Variants in CCDC57 observed in about 807,000 individuals in gnomAD.
CCDC57 encodes the protein coiled-coil domain containing 57.
A neutral mutation model predicts 118.9 loss-of-function variants in CCDC57; 118 were observed. That is an observed-to-expected ratio of 0.99 (90% CI 0.86 to 1.16). The LOEUF (loss-of-function observed/expected upper bound fraction) is 1.16. Ranked by LOEUF, CCDC57 falls within the 50% of genes most tolerant of loss-of-function variation. The pLI is 0.00. For synonymous variants in CCDC57, 527 were observed against 532.9 expected (o/e 0.99, Z 0.15); for missense variants, 1,300 against 1,320.7 (o/e 0.98, Z 0.24).
intron 8 of CCDC57, among the ~76,000 whole-genome samples, chr17:82,186,498 G>T (rs2046940557): frequency 6.6e-6 from 1 of 152,148 alleles, no homozygotes; most frequent in Non-Finnish European, 1.5e-5. Flanking sequence ...TGCCTCCCAT[G>T]CATGGCGTCT....
At chr17:82,144,410 C>T (rs1031499050) in intron 16 of CCDC57, among the ~76,000 whole-genome samples, 2 of 152,210 alleles carry the variant, frequency 1.3e-5, no homozygotes, top group African/African-American at 4.8e-5. Flanking sequence ...AGCATGTACT[C>T]CCCACAGACT....
At chr17:82,146,379 A>G (rs1170064405) in intron 16 of CCDC57, among the ~76,000 whole-genome samples, 2 of 151,958 alleles carry the variant, frequency 1.3e-5, no homozygotes, top group Admixed American at 6.6e-5. Flanking sequence ...TATTTTTTTA[A>G]ATGTTTTTAG....
At chr17:82,194,321 T>TTTC in intron 5 of CCDC57, 182 bp from the exon 5 acceptor site, 1 of 635,948 alleles carries the variant, frequency 1.6e-6, no homozygotes, top group South Asian at 2.3e-5. Flanking sequence ...TTTTTTTTTT[T>TTTC]CTTTTTGGAG....
chr17:82,179,254 G>C, intron 9 of CCDC57, 65 bp from the exon 9 acceptor site: 1 of 1,542,442 alleles, frequency 6.5e-7, no homozygotes, highest in Non-Finnish European at 8.8e-7. Flanking sequence ...GAAAAGCAGA[G>C]GCACGATGGG....
At position 82,192,469 on chromosome 17, in the gene CCDC57, G is replaced by A. The variant is rs1407208123; in HGVS notation, c.851+1287C>T. ...GCTAGATGCCCCTAACCCCCTCACT[G>A]TTTAAGCATCAACTGTATTTCAATT... On this transcript the variant is annotated intron_variant, in intron 7 of 19. Transcript: ENST00000665763. This position sits in a 1 kb window ranked among gnomAD's most constrained non-coding sequence, Gnocchi z 4.0. Among the ~76,000 whole-genome samples the A allele has an allele frequency of 6.6e-6, 1 of 152,186 alleles. No homozygotes were observed. The highest frequency in any genetic ancestry group is 2.4e-5 in the African/African-American group (1 of 41,446).
chr17:82,201,047 G>C (rs1468707547), intron 3 of CCDC57, among the ~76,000 whole-genome samples: 1 of 152,168 alleles, frequency 6.6e-6, no homozygotes, highest in East Asian at 1.9e-4. Context: ...ACTCTCCACA[G>C]CATGGCTGGG....
At chr17:82,134,717 C>A (rs1254837456) in intron 16 of CCDC57, among the ~76,000 whole-genome samples, 4 of 152,076 alleles carry the variant, frequency 2.6e-5, no homozygotes, top group Admixed American at 1.3e-4. Context: ...TTGCTTGAAC[C>A]CGGGAGGCAG....
At chr17:82,146,010 G>T (rs182686032) in intron 16 of CCDC57, among the ~76,000 whole-genome samples, 55 of 152,384 alleles carry the variant, frequency 3.6e-4, no homozygotes, top group Non-Finnish European at 5.9e-4. Context: ...CCAGTGAAGT[G>T]GCGGTCAGCT....
chr17:82,125,532 G>C (rs1319532405), intron 19 of CCDC57, among the ~76,000 whole-genome samples: 2 of 151,916 alleles, frequency 1.3e-5, no homozygotes, highest in Non-Finnish European at 2.9e-5. Context: ...TGCGCCACCA[G>C]GCCCAGTGAA....
intron 16 of CCDC57, among the ~76,000 whole-genome samples, chr17:82,138,369 C>T (rs1413646536): frequency 1.1e-4 from 16 of 150,096 alleles, no homozygotes; most frequent in Non-Finnish European, 2.4e-4. Context: ...AGGATGGTCT[C>T]GATCTCCTGA....
intron 3 of CCDC57, among the ~76,000 whole-genome samples, chr17:82,199,017 G>GA (rs35023228): frequency 0.46 from 66,475 of 144,556 alleles, 16,169 homozygotes; most frequent in East Asian, 0.88. Context: ...AAAGAAAAAG[G>GA]AAAAAAAAGA....
intron 16 of CCDC57, among the ~76,000 whole-genome samples, chr17:82,140,117 G>A (rs551538979): frequency 2.0e-5 from 3 of 152,064 alleles, no homozygotes; most frequent in Non-Finnish European, 2.9e-5. Context: ...ACAGAGTCAC[G>A]CTCTGTTGTC....
At chr17:82,122,250 G>A (rs1000539213) in intron 19 of CCDC57, among the ~76,000 whole-genome samples, 3 of 152,236 alleles carry the variant, frequency 2.0e-5, no homozygotes, top group Non-Finnish European at 4.4e-5. Context: ...TGCCAGAACC[G>A]TTTCCCACCA....
chr17:82,114,093 TAC>T (rs895525086), intron 19 of CCDC57, among the ~76,000 whole-genome samples: 3 of 152,176 alleles, frequency 2.0e-5, no homozygotes, highest in Admixed American at 6.5e-5. Flanking sequence ...CCCTCGTCAG[TAC>T]ACAGAGTGAC....
chr17:82,102,775 C>T (rs1411607304), intron 19 of CCDC57, among the ~76,000 whole-genome samples: 1 of 151,904 alleles, frequency 6.6e-6, no homozygotes, highest in Non-Finnish European at 1.5e-5. Context: ...ATCCCAGCTA[C>T]TTAGGAGGCT....
intron 14 of CCDC57, among the ~76,000 whole-genome samples, chr17:82,158,427 C>T (rs2042928215): frequency 6.6e-6 from 1 of 152,128 alleles, no homozygotes; most frequent in South Asian, 2.1e-4. Context: ...GTGGCTCACG[C>T]CTATAATCCC....
chr17:82,102,219 G>A (rs925706464), intron 19 of CCDC57, among the ~76,000 whole-genome samples: 1 of 152,210 alleles, frequency 6.6e-6, no homozygotes. Flanking sequence ...AGGGGGCAGG[G>A]GTGCTGGGGT....
intron 15 of CCDC57, chr17:82,155,493 A>G (rs1487089431): frequency 6.6e-6 from 1 of 152,290 alleles, no homozygotes; most frequent in Non-Finnish European, 1.5e-5. Flanking sequence ...ACCTGCCTCC[A>G]TGCTAGAGCC....
At chr17:82,106,282 C>A (rs1262502843) in intron 19 of CCDC57, 1 of 152,416 alleles carries the variant, frequency 6.6e-6, no homozygotes, top group African/African-American at 2.4e-5. Context: ...GAGGCTGCAT[C>A]ACGGAAGGCG....
Sources: allele counts gnomAD v4.1 joint callset (sites outside exome capture counted in the v4.1 genomes callset), GRCh38; gene constraint gnomAD v4.1.1; non-coding constraint Gnocchi (gnomAD v3.1); transcripts MANE v1.5; gene names NCBI Gene and HGNC (gene_info 2026-07-23, HGNC 2026-07-21).